TAF15: variants seen among roughly 807,000 people sequenced by gnomAD.
The protein encoded by TAF15 is TATA-box binding protein associated factor 15.
TAF15 carries 37 observed loss-of-function variants against 102.5 expected under a neutral mutation model. The ratio of observed to expected loss-of-function variants is 0.36; its 90% CI spans 0.28 to 0.47. The LOEUF is 0.47. Ranked by LOEUF, TAF15 falls within the 20% of genes least tolerant of loss-of-function variation. The probability of loss-of-function intolerance (pLI) is 0.99; values close to 1 mark genes in which losing one functional copy is unlikely to be tolerated. For synonymous variants in TAF15, 273 were observed against 259.2 expected (o/e 1.05, Z -0.51); for missense variants, 652 against 760.7 (o/e 0.86, Z 1.68).
chr17:35,839,185 G>A (rs1295826745), intron 11 of TAF15, among the ~76,000 whole-genome samples: 1 of 150,592 alleles, frequency 6.6e-6, no homozygotes, highest in Non-Finnish European at 1.5e-5. Context: ...GGAGTCTGAG[G>A]TGGGAGGATC....
intron 1 of TAF15, among the ~76,000 whole-genome samples, chr17:35,816,453 C>T (rs1006381671): frequency 4.6e-5 from 7 of 152,140 alleles, no homozygotes; most frequent in African/African-American, 1.7e-4. Flanking sequence ...CACCACTGCA[C>T]TCCAGCATGG....
At chr17:35,831,792 CCT>C (rs1336765757) in intron 7 of TAF15, among the ~76,000 whole-genome samples, 1 of 151,966 alleles carries the variant, frequency 6.6e-6, no homozygotes, top group Non-Finnish European at 1.5e-5. Flanking sequence ...AGTTAAAAAA[CCT>C]CTGAGAGGCC....
At chr17:35,833,964 T>C in intron 8 of TAF15, 23 bp downstream of exon 8, 2 of 1,613,470 alleles carry the variant, frequency 1.2e-6, no homozygotes, top group Non-Finnish European at 1.7e-6. Flanking sequence ...TATCCCAAAA[T>C]GTTTCAGTGG....
At position 35,845,188 on chromosome 17, in the gene TAF15, AT is replaced by A. The variant is rs1182471568; in HGVS notation, c.1739+153del. On this transcript the variant is annotated intron_variant, in intron 15 of 15. Coordinates refer to ENST00000605844, the MANE Select transcript of TAF15 (RefSeq NM_139215.3). ...AGATGATTTAGTTTCCTGCTTAGCA[AT>A]TTCTAAAATTTTGTTTTGGAACTTT... 3.0e-6 allele frequency: 3 copies of A among 1,009,198 alleles called. No individual in the cohort carries two copies. The Admixed American group carries it at 8.3e-5, about 28-fold the overall frequency. 62.5% of individuals were successfully genotyped at this position (1,009,198 alleles called of 1,614,324 possible).
intron 1 of TAF15, chr17:35,809,807 C>G (rs1306005509): frequency 1.6e-6 from 1 of 619,158 alleles, no homozygotes; most frequent in Non-Finnish European, 2.8e-6. Flanking sequence ...TCTTTTGACC[C>G]TGTCCTTGGA....
chr17:35,844,545 G>A lies in TAF15; in HGVS notation c.1246G>A (p.Gly416Ser), dbSNP rs746865431. The change falls in exon 15 of 16, where the codon GGC becomes AGC. Residue 416 changes from glycine to serine, a missense_variant. Physicochemically the swap from Gly to Ser is moderately conservative, Grantham distance 56. Around this residue, in one of 3 missense-constraint regions of TAF15, gnomAD observed 368 missense variants for 367.5 expected, o/e 1.00. Coordinates refer to ENST00000605844, the MANE Select transcript of TAF15 (RefSeq NM_139215.3). The stretch of plus-strand genomic sequence containing the variant: ...TCGTGGGGGCAGAGGTGGAGACCGA[G>A]GCGGCTATGGTGGAGACAGAAGTGG... ...RGRGGRGGDR[G>S]GYGGDRSGGG... The A allele has an allele frequency of 4.8e-5, 78 of 1,610,034 alleles. No individual in the cohort carries two copies. The highest frequency in any genetic ancestry group is 6.4e-5 in the Non-Finnish European group (75 of 1,177,424).
intron 1 of TAF15, among the ~76,000 whole-genome samples, chr17:35,816,561 A>G (rs543360112): frequency 6.6e-6 from 1 of 152,206 alleles, no homozygotes; most frequent in Non-Finnish European, 1.5e-5. Context: ...TTTTGTTTCA[A>G]ATTGAGTGAG....
chr17:35,843,808 G>A (rs1321073034), intron 12 of TAF15, among the ~76,000 whole-genome samples: 2 of 152,144 alleles, frequency 1.3e-5, no homozygotes, highest in Admixed American at 1.3e-4. Flanking sequence ...TGGGGGAAGG[G>A]ATACTCAACC....
At chr17:35,815,689 CT>C (rs1471822562) in intron 1 of TAF15, among the ~76,000 whole-genome samples, 2 of 152,166 alleles carry the variant, frequency 1.3e-5, no homozygotes, top group Non-Finnish European at 2.9e-5. Context: ...CCACAAATAC[CT>C]TGTTTTACTC....
chr17:35,817,882 A>G, intron 2 of TAF15, 127 bp downstream of exon 2: 2 of 842,736 alleles, frequency 2.4e-6, no homozygotes, highest in Non-Finnish European at 4.0e-6. Flanking sequence ...GAGTGAAGAG[A>G]GTCAGTGTAA....
intron 2 of TAF15, among the ~76,000 whole-genome samples, chr17:35,817,968 G>A (rs1441219667): frequency 7.9e-5 from 12 of 152,162 alleles, no homozygotes; most frequent in Admixed American, 2.0e-4. Flanking sequence ...TTTTGCTCAG[G>A]CTGGAGTGCA....
At chr17:35,839,370 CTTTTTTTTTTTTTTTT>C (rs562461506) in intron 11 of TAF15, among the ~76,000 whole-genome samples, 2,810 of 52,532 alleles carry the variant, frequency 0.053, 125 homozygotes, top group Admixed American at 0.069. Context: ...AAGAAATAGA[CTTTTTTTTTTTTTTTT>C]TTTTTTTTTT....
At chr17:35,833,633 G>A (rs905555775) in intron 7 of TAF15, 10 of 396,162 alleles carry the variant, frequency 2.5e-5, no homozygotes, top group African/African-American at 2.0e-4. Context: ...TGGTTTAATA[G>A]TATCCCTTTG....
intron 11 of TAF15, among the ~76,000 whole-genome samples, chr17:35,839,242 C>G (rs962814168): frequency 2.0e-5 from 3 of 149,098 alleles, no homozygotes; most frequent in Admixed American, 2.0e-4. Context: ...GATTGAGTCA[C>G]TGTGTTCCAG....
rs372580198 is a variant in TAF15, at chr17:35,844,619, T to G, written c.1320T>G (p.Asp440Glu). 2 of 1,518,062 alleles carry G rather than the reference T, an allele frequency of 1.3e-6. No individual in the cohort carries two copies. Among genetic ancestry groups the G allele is most frequent in the African/African-American group, 3.5e-5 (2 of 57,300 alleles). 94.0% of individuals were successfully genotyped at this position (1,518,062 alleles called of 1,614,324 possible). A position where few individuals can be genotyped will look rare whatever the true frequency, so the allele number is the denominator to read the frequency against. Residue 440 changes from aspartate to glutamate, a missense_variant, in exon 15 of 16, where the codon GAT (aspartate) becomes GAG (glutamate). Asp to Glu is a conservative substitution (Grantham distance 45). Around this residue, in one of 3 missense-constraint regions of TAF15, gnomAD observed 368 missense variants for 367.5 expected, o/e 1.00. Coordinates refer to ENST00000605844, the MANE Select transcript of TAF15 (RefSeq NM_139215.3). ...GCAGCGGTGGTGGCTACAGCGGAGA[T>G]AGAAGTGGGGGCGGCTATGGTGGAG... ...DRSSGGGYSGDRSGGGYGGDR... is the reference protein window; with the variant it reads ...DRSSGGGYSGERSGGGYGGDR...
Position 35,844,097 on chromosome 17 carries a change from C to G in TAF15, c.1027C>G (p.Arg343Gly). 1 of 1,614,084 alleles carries G rather than the reference C, an allele frequency of 6.2e-7. No individual in the cohort carries two copies. Among genetic ancestry groups the G allele is most frequent in the Non-Finnish European group, 8.5e-7 (1 of 1,180,004 alleles). Residue 343 changes from arginine (R) to glycine (G), a missense_variant, in exon 13 of 16, where the codon CGT becomes GGT. Arg to Gly is a moderately radical substitution (Grantham distance 125). Around this residue, in one of 3 missense-constraint regions of TAF15, gnomAD observed 368 missense variants for 367.5 expected, o/e 1.00. Coordinates refer to ENST00000605844, the MANE Select transcript of TAF15 (RefSeq NM_139215.3). ...CCTAGGCCGTGGAGGATATAGAGGTCGTGGAGGCTTTCAAGGGAGAGGTGG... is the reference window on the plus strand; with the variant it reads ...CCTAGGCCGTGGAGGATATAGAGGTGGTGGAGGCTTTCAAGGGAGAGGTGG... ...GRRGRGGYRG[R>G]GGFQGRGGDP... is the part of the protein sequence containing the mutation.
At chr17:35,840,183 C>G (rs192705626) in intron 11 of TAF15, among the ~76,000 whole-genome samples, 1 of 151,600 alleles carries the variant, frequency 6.6e-6, no homozygotes, top group Non-Finnish European at 1.5e-5. Context: ...CAAACACTTG[C>G]AGTTCCTTTC....
chr17:35,812,537 A>G (rs2087136165), intron 1 of TAF15, among the ~76,000 whole-genome samples: 1 of 140,128 alleles, frequency 7.1e-6, no homozygotes, highest in African/African-American at 2.7e-5. Context: ...GTGAGCCGAG[A>G]TTGCGCCATT....
chr17:35,845,082 C>G lies in TAF15; in HGVS notation c.1739+44C>G, dbSNP rs186362692. 65 of 1,610,050 alleles carry G rather than the reference C, an allele frequency of 4.0e-5. No homozygotes were observed. The South Asian group carries it at 6.6e-4, about 16-fold the overall frequency. The stretch of plus-strand genomic sequence containing the variant: ...TTATTAACCTTTTTACCTCACTGCA[C>G]CTAGATTGGGGGATTTGAACCACAT... On this transcript the variant is annotated intron_variant, in intron 15 of 15. Coordinates refer to ENST00000605844, the MANE Select transcript of TAF15 (RefSeq NM_139215.3).
Sources: gnomAD v4.1 joint callset for allele counts (sites outside exome capture counted in the v4.1 genomes callset) on GRCh38, gnomAD v4.1.1 for gene constraint, gnomAD v4.1.1 regional missense constraint, MANE v1.5 for transcripts, NCBI Gene and HGNC (gene_info 2026-07-23, HGNC 2026-07-21) for gene names.